The following NUFIP1 variants were observed in gnomAD, a reference collection of about 807,000 sequenced individuals.
NUFIP1 encodes the protein nuclear FMR1 interacting protein 1, also known as FMR1-interacting protein NUFIP1.
A neutral mutation model predicts 56.2 loss-of-function variants in NUFIP1; 38 were observed. That is an observed-to-expected ratio of 0.68 (90% CI 0.52 to 0.89). The LOEUF is 0.89. Among genes scored for constraint, NUFIP1 ranks in the 40% least tolerant of loss-of-function variants. The pLI, the probability that NUFIP1 is intolerant of heterozygous loss-of-function variation, is 0.00. For missense variants in NUFIP1, 567 were observed against 605.8 expected, an observed-to-expected ratio of 0.94 and a Z score of 0.67; for synonymous variants, 215 against 212.4, an observed-to-expected ratio of 1.01 and a Z score of -0.10.
At chr13:44,966,501 G>A (rs1407750535) in intron 5 of NUFIP1, among the ~76,000 whole-genome samples, 1 of 151,832 alleles carries the variant, frequency 6.6e-6, no homozygotes. Context: ...TTTTTGTAGA[G>A]ATGGGGTTTC....
chr13:44,943,234 G>A (rs189478552), intron 9 of NUFIP1, among the ~76,000 whole-genome samples: 7 of 152,116 alleles, frequency 4.6e-5, no homozygotes, highest in Admixed American at 4.6e-4. Flanking sequence ...ATTTTAAGTG[G>A]TTGTAAAAAT....
At chr13:44,959,933 C>T (rs1416152208) in intron 6 of NUFIP1, among the ~76,000 whole-genome samples, 1 of 150,898 alleles carries the variant, frequency 6.6e-6, no homozygotes, top group Non-Finnish European at 1.5e-5. Flanking sequence ...CTTTTTTCTT[C>T]TCTTTTTTTT....
intron 4 of NUFIP1, 48 bp downstream of exon 4, chr13:44,979,842 A>C (rs763670587): frequency 5.3e-6 from 7 of 1,323,958 alleles, no homozygotes; most frequent in Non-Finnish European, 7.4e-6. Context: ...ATAACAGATC[A>C]ATAAAAAGAG....
chr13:44,983,201 G>C (rs1872257853), intron 1 of NUFIP1, among the ~76,000 whole-genome samples: 1 of 151,958 alleles, frequency 6.6e-6, no homozygotes, highest in Admixed American at 6.6e-5. Flanking sequence ...GGGAGATGCA[G>C]TTTCGCTCTT....
At chr13:44,943,704 TAAAC>T (rs1566054957) in intron 8 of NUFIP1, 30 bp from the exon 9 acceptor site, 2 of 1,554,662 alleles carry the variant, frequency 1.3e-6, no homozygotes, top group Non-Finnish European at 8.8e-7. Flanking sequence ...AACACAAAAA[TAAAC>T]AAAACAAAAC....
intron 6 of NUFIP1, among the ~76,000 whole-genome samples, chr13:44,964,154 T>C (rs1871516031): frequency 6.6e-6 from 1 of 152,138 alleles, no homozygotes; most frequent in Admixed American, 6.5e-5. Context: ...CATAAAGAAA[T>C]AGTTTTATGA....
intron 8 of NUFIP1, among the ~76,000 whole-genome samples, chr13:44,947,270 ACT>A (rs1318040428): frequency 1.2e-5 from 1 of 82,756 alleles, no homozygotes; most frequent in Non-Finnish European, 2.3e-5. Context: ...ATGGAGTTTT[ACT>A]CTGTCACCCA....
chr13:44,966,945 C>A (rs1320742982), intron 5 of NUFIP1, among the ~76,000 whole-genome samples: 1 of 151,084 alleles, frequency 6.6e-6, no homozygotes, highest in East Asian at 2.0e-4. Flanking sequence ...TGCACTCCAG[C>A]CTAGGTGACA....
chr13:44,965,987 A>G, intron 5 of NUFIP1, 51 bp from the exon 6 acceptor site: 1 of 1,113,536 alleles, frequency 9.0e-7, no homozygotes, highest in Non-Finnish European at 1.3e-6. Context: ...GTACAATTTT[A>G]AATAAGCAAT....
At chr13:44,959,935 C>CTT (rs780739517) in intron 6 of NUFIP1, among the ~76,000 whole-genome samples, 11 of 143,060 alleles carry the variant, frequency 7.7e-5, no homozygotes, top group East Asian at 2.0e-4. Context: ...TTTTTCTTCT[C>CTT]TTTTTTTTTT....
Position 44,951,223 on chromosome 13 carries a change from T to TC in NUFIP1, c.1022-1386dup, listed in dbSNP as rs1185108779. Among the ~76,000 whole-genome samples, 4 of 152,322 alleles carry TC rather than the reference T, an allele frequency of 2.6e-5. No individual in the cohort carries two copies. The East Asian group carries it at 7.7e-4, about 29-fold the overall frequency. The stretch of plus-strand genomic sequence containing the variant: ...CCACCACAGTGTTAGTATGGAGACT[T>TC]CCCATTCATTGGCTGAATGATGAAA... On this transcript the variant is annotated intron_variant, in intron 7 of 9. Coordinates refer to ENST00000379161, the MANE Select transcript of NUFIP1 (RefSeq NM_012345.3).
At position 44,960,067 on chromosome 13, in the gene NUFIP1, G is replaced by A. The variant is rs371742865; in HGVS notation, c.828-493C>T. ...CTGCCTTAGCTTCCCAAGCAGCTGGGATTACAGGCACGTGCCACCACACCC... is the reference window on the plus strand; with the variant it reads ...CTGCCTTAGCTTCCCAAGCAGCTGGAATTACAGGCACGTGCCACCACACCC... On this transcript the variant is annotated intron_variant, in intron 6 of 9. Coordinates refer to ENST00000379161, the MANE Select transcript of NUFIP1 (RefSeq NM_012345.3). 2.6e-5 allele frequency among the ~76,000 whole-genome samples: 4 copies of A among 151,564 alleles called. No homozygotes were observed. The East Asian group carries it at 7.8e-4, about 29-fold the overall frequency.
intron 7 of NUFIP1, 142 bp from the exon 8 acceptor site, chr13:44,949,980 G>T: frequency 1.5e-6 from 1 of 668,804 alleles, no homozygotes. Flanking sequence ...TAGGGGGCCA[G>T]AAACACTTCC....
At position 44,979,272 on chromosome 13, in the gene NUFIP1, G is replaced by A. The variant is rs1291635642; in HGVS notation, c.658-6C>T. ...TTCATGCCAGGAGCATGCATCTAGGGGGAAAAAGCCTGCTGAACATCAGGA... is the reference window on the plus strand; with the variant it reads ...TTCATGCCAGGAGCATGCATCTAGGAGGAAAAAGCCTGCTGAACATCAGGA... On this transcript the variant is annotated splice_region_variant and splice_polypyrimidine_tract_variant and intron_variant, in intron 4 of 9. Coordinates refer to ENST00000379161, the MANE Select transcript of NUFIP1 (RefSeq NM_012345.3). 4 of 1,609,496 alleles carry A rather than the reference G, an allele frequency of 2.5e-6. No individual in the cohort carries two copies. In the Admixed American group the frequency reaches 5.1e-5, roughly 21 times the overall value.
intron 6 of NUFIP1, among the ~76,000 whole-genome samples, chr13:44,964,193 G>A (rs892215066): frequency 6.6e-6 from 1 of 151,752 alleles, no homozygotes; most frequent in African/African-American, 2.4e-5. Context: ...TTTTTTTTAA[G>A]GCAGAACACA....
At chr13:44,942,495 T>C (rs1870774231) in intron 9 of NUFIP1, among the ~76,000 whole-genome samples, 1 of 152,212 alleles carries the variant, frequency 6.6e-6, no homozygotes, top group South Asian at 2.1e-4. Context: ...GAAGCAACTG[T>C]GCTACATGTA....
intron 1 of NUFIP1, among the ~76,000 whole-genome samples, chr13:44,988,161 T>G (rs1421744444): frequency 6.6e-6 from 1 of 152,234 alleles, no homozygotes; most frequent in East Asian, 1.9e-4. Flanking sequence ...GGCTCATGCC[T>G]GTAATCCCAA....
At chr13:44,952,190 C>G (rs572791657) in intron 7 of NUFIP1, among the ~76,000 whole-genome samples, 1 of 152,280 alleles carries the variant, frequency 6.6e-6, no homozygotes, top group South Asian at 2.1e-4. Context: ...CTCTGCTGCC[C>G]AGGCTGGAGT....
At chr13:44,953,116 A>C (rs1373673468) in intron 7 of NUFIP1, among the ~76,000 whole-genome samples, 1 of 152,150 alleles carries the variant, frequency 6.6e-6, no homozygotes, top group Non-Finnish European at 1.5e-5. Context: ...TCTCTACTAC[A>C]AAGTTACTAT....
Sources: gnomAD v4.1 joint callset for allele counts (sites outside exome capture counted in the v4.1 genomes callset) on GRCh38, gnomAD v4.1.1 for gene constraint, MANE v1.5 for transcripts, NCBI Gene and HGNC (gene_info 2026-07-23, HGNC 2026-07-21) for gene names.